Variants in RAB38 observed in about 807,000 individuals in gnomAD.
The protein encoded by RAB38 is RAB38, member RAS oncogene family.
In RAB38, 15 loss-of-function variants were observed where a neutral mutation model predicts 18.4. The observed-to-expected ratio is 0.82, with a 90% CI of 0.55 to 1.26. The LOEUF (loss-of-function observed/expected upper bound fraction) is 1.26. Ranked by LOEUF, RAB38 falls within the 50% of genes most tolerant of loss-of-function variation. RAB38 has a pLI of 0.00. For missense variants in RAB38, 294 were observed against 267.4 expected (o/e 1.10, Z -0.69); for synonymous variants, 101 against 104.4 (o/e 0.97, Z 0.20).
the RAB38 span, among the ~76,000 whole-genome samples, chr11:87,835,963 A>G: frequency 6.6e-6 from 1 of 152,190 alleles, no homozygotes; most frequent in Non-Finnish European, 1.5e-5. Flanking sequence ...TCTTCTCAGC[A>G]TTAGAATCAG....
chr11:88,054,221 C>T, the RAB38 span, among the ~76,000 whole-genome samples: 14 of 152,272 alleles, frequency 9.2e-5, no homozygotes, highest in South Asian at 6.2e-4. Flanking sequence ...GAGTAACAGT[C>T]CCTCTAACTG....
At chr11:87,844,228 T>G in the RAB38 span, among the ~76,000 whole-genome samples, 3 of 152,192 alleles carry the variant, frequency 2.0e-5, no homozygotes, top group African/African-American at 7.2e-5. Context: ...TTTTAAAATC[T>G]GCTTGTGTGA....
At chr11:87,869,791 G>A in the RAB38 span, among the ~76,000 whole-genome samples, 1 of 151,624 alleles carries the variant, frequency 6.6e-6, no homozygotes, top group African/African-American at 2.4e-5. Flanking sequence ...TTCCTGCAGA[G>A]CCATCTCTTC....
intron 2 of RAB38, among the ~76,000 whole-genome samples, chr11:88,125,566 A>C (rs1328329555): frequency 6.6e-6 from 1 of 151,896 alleles, no homozygotes; most frequent in Non-Finnish European, 1.5e-5. Flanking sequence ...CCATAGAAAG[A>C]CTCAGAACTT....
chr11:88,027,299 G>A, the RAB38 span, among the ~76,000 whole-genome samples: 1 of 152,156 alleles, frequency 6.6e-6, no homozygotes, highest in Admixed American at 6.5e-5. Context: ...GAGCGACGCA[G>A]AAGACGGGTG....
intron 2 of RAB38, among the ~76,000 whole-genome samples, chr11:88,114,672 G>T (rs563357410): frequency 6.6e-6 from 1 of 152,296 alleles, no homozygotes. Context: ...GACTTGTTGG[G>T]CGTCAAAATG....
At chr11:87,909,895 A>T in the RAB38 span, among the ~76,000 whole-genome samples, 1 of 152,134 alleles carries the variant, frequency 6.6e-6, no homozygotes, top group South Asian at 2.1e-4. Flanking sequence ...CTTTATATAA[A>T]CATATGCATT....
At chr11:88,061,617 T>A in the RAB38 span, 1 of 152,224 alleles carries the variant, frequency 6.6e-6, no homozygotes, top group Non-Finnish European at 1.5e-5. Flanking sequence ...GAAAGAAATT[T>A]TTTTTAATAA....
At chr11:87,819,177 G>C in the RAB38 span, among the ~76,000 whole-genome samples, 1 of 152,142 alleles carries the variant, frequency 6.6e-6, no homozygotes, top group South Asian at 2.1e-4. Context: ...TAGTCTTTTA[G>C]GACAAATGCC....
the RAB38 span, among the ~76,000 whole-genome samples, chr11:87,842,717 T>G: frequency 6.6e-6 from 1 of 151,906 alleles, no homozygotes; most frequent in African/African-American, 2.4e-5. Context: ...AAAGACTACC[T>G]CAGAATACAC....
the RAB38 span, among the ~76,000 whole-genome samples, chr11:87,863,703 T>C: frequency 2.8e-4 from 43 of 151,784 alleles, no homozygotes; most frequent in African/African-American, 9.9e-4. Flanking sequence ...GATCCCGTAT[T>C]TTTAAACCAT....
chr11:88,040,029 A>G, the RAB38 span, among the ~76,000 whole-genome samples: 1 of 152,200 alleles, frequency 6.6e-6, no homozygotes, highest in South Asian at 2.1e-4. Context: ...TTAGCCTAGA[A>G]GCAGTTGCAG....
At chr11:87,857,137 G>C in the RAB38 span, among the ~76,000 whole-genome samples, 1 of 151,990 alleles carries the variant, frequency 6.6e-6, no homozygotes, top group Non-Finnish European at 1.5e-5. Flanking sequence ...CCTTGTGATA[G>C]TTTGCTGAGA....
chr11:88,014,259 A>G, the RAB38 span, among the ~76,000 whole-genome samples: 1 of 152,126 alleles, frequency 6.6e-6, no homozygotes, highest in African/African-American at 2.4e-5. Context: ...CAGGGAGTTG[A>G]AAAAATTTCT....
chr11:87,945,880 G>A, the RAB38 span, among the ~76,000 whole-genome samples: 27 of 152,130 alleles, frequency 1.8e-4, no homozygotes, highest in Non-Finnish European at 3.2e-4. Context: ...AGCTTTTATT[G>A]GAAATCTTTG....
At chr11:87,840,016 C>T in the RAB38 span, among the ~76,000 whole-genome samples, 1 of 152,068 alleles carries the variant, frequency 6.6e-6, no homozygotes, top group Non-Finnish European at 1.5e-5. Flanking sequence ...AACCAGTGAG[C>T]CCATGTAATG....
At chr11:87,858,033 T>A in the RAB38 span, among the ~76,000 whole-genome samples, 1 of 152,186 alleles carries the variant, frequency 6.6e-6, no homozygotes, top group African/African-American at 2.4e-5. Context: ...CTTGAATTAT[T>A]TTTTGTATAC....
At chr11:87,945,502 A>G in the RAB38 span, among the ~76,000 whole-genome samples, 1 of 152,164 alleles carries the variant, frequency 6.6e-6, no homozygotes, top group African/African-American at 2.4e-5. Flanking sequence ...GGTAGAAAAC[A>G]GAGTAAAAGA....
At chr11:87,829,112 T>C in the RAB38 span, among the ~76,000 whole-genome samples, 1 of 152,230 alleles carries the variant, frequency 6.6e-6, no homozygotes, top group Non-Finnish European at 1.5e-5. Context: ...GTATGCTTTA[T>C]ACATTTTAGA....
Sources: gnomAD v4.1 joint callset for allele counts (sites outside exome capture counted in the v4.1 genomes callset) on GRCh38, gnomAD v4.1.1 for gene constraint, MANE v1.5 for transcripts, NCBI Gene and HGNC (gene_info 2026-07-23, HGNC 2026-07-21) for gene names.